Variants in NCOA6 observed in about 807,000 individuals in gnomAD.
NCOA6 encodes nuclear receptor coactivator 6.
A neutral mutation model predicts 171.4 loss-of-function variants in NCOA6; 49 were observed. The ratio of observed to expected loss-of-function variants is 0.29; its 90% CI spans 0.23 to 0.36. The LOEUF (loss-of-function observed/expected upper bound fraction) is 0.36, where lower values mean the gene tolerates loss of function less well. Among genes scored for constraint, NCOA6 ranks in the 10% least tolerant of loss-of-function variants. The pLI is 1.00. For synonymous variants in NCOA6, 910 were observed against 927.5 expected, an observed-to-expected ratio of 0.98 and a Z score of 0.34; for missense variants, 2,248 against 2,554.5, an observed-to-expected ratio of 0.88 and a Z score of 2.59.
At chr20:34,787,057 T>C (rs558948047) in intron 2 of NCOA6, among the ~76,000 whole-genome samples, 3 of 151,998 alleles carry the variant, frequency 2.0e-5, no homozygotes, top group Non-Finnish European at 4.4e-5. Flanking sequence ...GACAAAATTT[T>C]TGCAATCTAC....
chr20:34,811,201 G>GTGTATATA (rs1555858015), intron 1 of NCOA6, among the ~76,000 whole-genome samples: 1 of 53,798 alleles, frequency 1.9e-5, no homozygotes, highest in Non-Finnish European at 3.7e-5. Flanking sequence ...ACAACAACGT[G>GTGTATATA]TATATATATA....
intron 2 of NCOA6, among the ~76,000 whole-genome samples, chr20:34,789,832 AGT>A (rs1211403041): frequency 1.3e-5 from 2 of 152,224 alleles, no homozygotes; most frequent in African/African-American, 2.4e-5. Flanking sequence ...TAAATGTCAA[AGT>A]GTTATAGTCA....
intron 1 of NCOA6, among the ~76,000 whole-genome samples, chr20:34,810,917 T>C (rs906460730): frequency 6.6e-6 from 1 of 152,034 alleles, no homozygotes; most frequent in African/African-American, 2.4e-5. Context: ...AAACTATTAG[T>C]AGTAAAATCA....
intron 1 of NCOA6, among the ~76,000 whole-genome samples, chr20:34,798,858 C>T (rs192236201): frequency 2.0e-5 from 3 of 152,204 alleles, no homozygotes; most frequent in Admixed American, 6.5e-5. Flanking sequence ...GGAAAGCCTT[C>T]GCAAGAAAGA....
rs746225752 is a variant in NCOA6 at position 34,750,488 on chromosome 20, C to T, written c.1707G>A (p.Gln569=). Reference sequence around the variant, plus strand: ...TTGGCGGCCCGTGGGACACCTGCATCTGGTTTTGAGGAGGACCAGCTCCTT... The same window carrying T: ...TTGGCGGCCCGTGGGACACCTGCATTTGGTTTTGAGGAGGACCAGCTCCTT... ...GGQGAGPPQN[Q]MQVSHGPPNM... The change falls in exon 9 of 15, where the codon CAG becomes CAA. Residue 569 remains glutamine, a synonymous_variant. Coordinates refer to ENST00000359003, the MANE Select transcript of NCOA6 (RefSeq NM_014071.5). 1 of 1,610,820 alleles carries T rather than the reference C, an allele frequency of 6.2e-7. No individual in the cohort carries two copies. The highest frequency in any genetic ancestry group is 1.1e-5 in the South Asian group (1 of 90,818).
intron 2 of NCOA6, 32 bp from the exon 3 acceptor site, chr20:34,782,436 A>G: frequency 1.7e-6 from 1 of 595,052 alleles, no homozygotes; most frequent in Non-Finnish European, 2.8e-6. Context: ...GAGCATTACA[A>G]TGCATAGTTA....
chr20:34,767,865 T>C (rs1197496377), intron 5 of NCOA6, among the ~76,000 whole-genome samples: 1 of 152,186 alleles, frequency 6.6e-6, no homozygotes, highest in Non-Finnish European at 1.5e-5. Context: ...TCACTTCCTT[T>C]ATGTGAGTTC....
chr20:34,732,747 C>CTTA (rs974134451), intron 12 of NCOA6, 152 bp from the exon 13 acceptor site: 2 of 580,614 alleles, frequency 3.4e-6, no homozygotes, highest in African/African-American at 3.8e-5. Flanking sequence ...ACAAAGCTGG[C>CTTA]ACAGATACAA....
chr20:34,754,844 C>A lies in NCOA6; in HGVS notation c.1553G>T (p.Gly518Val). The change falls in exon 8 of 15, where the codon GGC becomes GTC. Residue 518 changes from glycine to valine, a missense_variant. By Grantham distance (109) the Gly-to-Val change is moderately radical. Around this residue, in one of 7 missense-constraint regions of NCOA6, gnomAD observed 987 missense variants for 1,104.7 expected, o/e 0.89. Coordinates refer to ENST00000359003, the MANE Select transcript of NCOA6 (RefSeq NM_014071.5). ...CGGATTGGCCTGTCCTGCTGAGAAG[C>A]CAGGTGGGAGGCGTTTAGGCATTCC... ...LGGMPKRLPP[G>V]FSAGQANPNF... The A allele has an allele frequency of 1.9e-6, 3 of 1,614,018 alleles. No individual in the cohort carries two copies. Among genetic ancestry groups the A allele is most frequent in the Non-Finnish European group, 2.5e-6 (3 of 1,179,984 alleles).
chr20:34,739,142 A>G (rs552430922), intron 11 of NCOA6, among the ~76,000 whole-genome samples: 2 of 152,352 alleles, frequency 1.3e-5, no homozygotes, highest in South Asian at 4.1e-4. Context: ...CCATCTTAAC[A>G]GTACATAGGA....
intron 14 of NCOA6, among the ~76,000 whole-genome samples, chr20:34,721,091 A>G (rs1428113559): frequency 6.6e-6 from 1 of 152,046 alleles, no homozygotes; most frequent in African/African-American, 2.4e-5. Flanking sequence ...TTGTTAAAAT[A>G]TTTGGCCTTT....
At chr20:34,715,444 G>C (rs894480168) in intron 14 of NCOA6, 79 bp from the exon 15 acceptor site, 1 of 1,065,832 alleles carries the variant, frequency 9.4e-7, no homozygotes, top group African/African-American at 1.6e-5. Flanking sequence ...CAACAAGCAG[G>C]GCAGACCTAA....
rs572172846 is a variant in NCOA6 at position 34,787,136 on chromosome 20, A to C, written c.-49-4732T>G. On this transcript the variant is annotated intron_variant, in intron 2 of 14. Coordinates refer to ENST00000359003, the MANE Select transcript of NCOA6 (RefSeq NM_014071.5). ...AACAAATTTATGAAAAAAAAAAAAC[A>C]ACCCCATTAAAAAGTGCGCTTTCAG... Among the ~76,000 whole-genome samples the C allele has an allele frequency of 5.8e-4, 87 of 151,168 alleles. 2 individuals carry two copies. The South Asian group carries it at 0.018, about 31-fold the overall frequency.
At chr20:34,756,854 C>T (rs1232013089) in intron 7 of NCOA6, among the ~76,000 whole-genome samples, 1 of 152,082 alleles carries the variant, frequency 6.6e-6, no homozygotes, top group African/African-American at 2.4e-5. Flanking sequence ...TTTTATTTTG[C>T]TCTATTGCAT....
At chr20:34,722,939 G>A (rs1244955922) in intron 14 of NCOA6, among the ~76,000 whole-genome samples, 1 of 152,098 alleles carries the variant, frequency 6.6e-6, no homozygotes, top group Non-Finnish European at 1.5e-5. Context: ...CCTGGGAGGT[G>A]GAGGTTGCAG....
chr20:34,749,354 A>G lies in NCOA6; in HGVS notation c.2792+49T>C, dbSNP rs747568928. 3.9e-6 allele frequency: 6 copies of G among 1,536,940 alleles called. No individual in the cohort carries two copies. The South Asian group carries it at 5.1e-5, about 13-fold the overall frequency. ...AAATTTTCCATCAAAAAAGTTATCC[A>G]CACAGAAAACAAATGAATAAAATTT... On this transcript the variant is annotated intron_variant, in intron 9 of 14. Transcript: ENST00000359003.
At chr20:34,738,112 G>A (rs543369689) in intron 11 of NCOA6, among the ~76,000 whole-genome samples, 12 of 151,926 alleles carry the variant, frequency 7.9e-5, no homozygotes, top group African/African-American at 2.7e-4. Flanking sequence ...CTCATTGCCC[G>A]GCATGGTCTC....
In NCOA6 at chr20:34,768,470, C is replaced by T. The variant is rs140040087; in HGVS notation, c.508G>A (p.Gly170Ser). 91 of 1,613,916 alleles carry T rather than the reference C, an allele frequency of 5.6e-5. No homozygotes were observed. The highest frequency in any genetic ancestry group is 7.5e-5 in the Non-Finnish European group (88 of 1,179,988). The change falls in exon 5 of 15, where the codon GGT (glycine) becomes AGT (serine). Residue 170 changes from glycine (G) to serine (S), a missense_variant. Transcript: ENST00000359003. ...RMEAGFPMAS[G>S]PGIIRMNNPA... Reference sequence around the variant, plus strand: ...ATTGAGTGGGAGGTCTTACCTGGACCACTTGCCATAGGAAATCCCGCCTCC... The same window carrying T: ...ATTGAGTGGGAGGTCTTACCTGGACTACTTGCCATAGGAAATCCCGCCTCC...
intron 5 of NCOA6, among the ~76,000 whole-genome samples, chr20:34,765,125 A>C (rs527422608): frequency 6.9e-6 from 1 of 144,296 alleles, no homozygotes; most frequent in East Asian, 2.0e-4. Context: ...CTTCACAAGA[A>C]AAAAAAAAAA....
Sources: allele counts gnomAD v4.1 joint callset (sites outside exome capture counted in the v4.1 genomes callset), GRCh38; gene constraint gnomAD v4.1.1; regional missense constraint gnomAD v4.1.1; transcripts MANE v1.5; gene names NCBI Gene and HGNC (gene_info 2026-07-23, HGNC 2026-07-21).